COL5A1: variants seen among roughly 807,000 people sequenced by gnomAD.
The protein encoded by COL5A1 is collagen alpha-1(V) chain.
In COL5A1, 16 loss-of-function variants were observed where a neutral mutation model predicts 263.7. That is an observed-to-expected ratio of 0.06 (90% CI 0.04 to 0.09). The LOEUF (loss-of-function observed/expected upper bound fraction) is 0.09. COL5A1 is among the 10% of genes least tolerant of loss of function. COL5A1 has a pLI of 1.00. For synonymous variants in COL5A1, 1,012 were observed against 1,004.5 expected, an observed-to-expected ratio of 1.01 and a Z score of -0.14; for missense variants, 2,036 against 2,540.5, an observed-to-expected ratio of 0.80 and a Z score of 4.27.
intron 2 of COL5A1, among the ~76,000 whole-genome samples, chr9:134,694,933 C>G (rs567565961): frequency 3.3e-5 from 5 of 152,142 alleles, no homozygotes; most frequent in Non-Finnish European, 7.4e-5. Flanking sequence ...ACTGGGGGCC[C>G]GGGATGGTGT....
At chr9:134,832,493 G>C (rs1839677727) in intron 64 of COL5A1, among the ~76,000 whole-genome samples, 1 of 152,232 alleles carries the variant, frequency 6.6e-6, no homozygotes, top group African/African-American at 2.4e-5. Flanking sequence ...ATACTGCAGA[G>C]AATCCCTCCC....
intron 36 of COL5A1, among the ~76,000 whole-genome samples, chr9:134,797,557 A>G (rs1015527210): frequency 3.9e-5 from 6 of 152,084 alleles, no homozygotes; most frequent in Non-Finnish European, 8.8e-5. Flanking sequence ...ATCTCGGCTC[A>G]CTGCAAACTC....
intron 22 of COL5A1, 25 bp from the exon 23 acceptor site, chr9:134,766,975 G>A (rs1836693800): frequency 6.2e-7 from 1 of 1,611,990 alleles, no homozygotes; most frequent in South Asian, 1.1e-5. Context: ...GCCCCCTTCA[G>A]TGCCTTTGCT....
rs1035271513 is a variant in COL5A1, at chr9:134,691,174, C to T, written c.277+95C>T. ...GCTCAAGCCTGCGTGGTGGCAGAAGCGGGCTCAGCTTTCCAGGAAGCCCCT... is the reference window on the plus strand; with the variant it reads ...GCTCAAGCCTGCGTGGTGGCAGAAGTGGGCTCAGCTTTCCAGGAAGCCCCT... On this transcript the variant is annotated intron_variant, in intron 2 of 65. Coordinates refer to ENST00000371817, the MANE Select transcript of COL5A1 (RefSeq NM_000093.5). The T allele has an allele frequency of 1.7e-5, 26 of 1,508,904 alleles. No homozygotes were observed. The Admixed American group carries it at 1.7e-4, about 10-fold the overall frequency. 93.5% of individuals were successfully genotyped at this position (1,508,904 alleles called of 1,614,324 possible). A position where few individuals can be genotyped will look rare whatever the true frequency, so the allele number is the denominator to read the frequency against.
At chr9:134,749,650 T>C (rs1032232205) in intron 11 of COL5A1, among the ~76,000 whole-genome samples, 1 of 152,168 alleles carries the variant, frequency 6.6e-6, no homozygotes, top group African/African-American at 2.4e-5. Context: ...TGTTGCTGAT[T>C]CGGAAGACTG....
chr9:134,772,586 C>G (rs552061018), intron 25 of COL5A1, among the ~76,000 whole-genome samples: 1 of 152,314 alleles, frequency 6.6e-6, no homozygotes, highest in Non-Finnish European at 1.5e-5. Context: ...GATGGAGCAG[C>G]CGAGGTTCAG....
At chr9:134,759,300 C>A (rs1441333009) in intron 18 of COL5A1, among the ~76,000 whole-genome samples, 8 of 148,788 alleles carry the variant, frequency 5.4e-5, no homozygotes, top group African/African-American at 2.0e-4. Flanking sequence ...GCATACACAC[C>A]CACACACCCC....
In COL5A1 at chr9:134,822,339, T is replaced by C. The variant is rs1380464372; in HGVS notation, c.4608+189T>C. 2.0e-5 allele frequency among the ~76,000 whole-genome samples: 3 copies of C among 152,154 alleles called. No individual in the cohort carries two copies. The East Asian group carries it at 5.8e-4, about 29-fold the overall frequency. Reference sequence around the variant, plus strand: ...AGGAGACAGAAGAAAGGAAGTGGCGTTGCCCGGCCATGGTTTTTGGTGGGG... The same window carrying C: ...AGGAGACAGAAGAAAGGAAGTGGCGCTGCCCGGCCATGGTTTTTGGTGGGG... On this transcript the variant is annotated intron_variant, in intron 59 of 65. Transcript: ENST00000371817.
intron 63 of COL5A1, among the ~76,000 whole-genome samples, 169 bp from the exon 64 acceptor site, chr9:134,829,807 G>A (rs541915636): frequency 2.0e-5 from 3 of 152,120 alleles, no homozygotes; most frequent in African/African-American, 4.8e-5. Context: ...CACAAGGGCC[G>A]GGGCCCTCAG....
intron 63 of COL5A1, among the ~76,000 whole-genome samples, 171 bp downstream of exon 63, chr9:134,826,075 A>T (rs1303843729): frequency 2.6e-5 from 4 of 152,268 alleles, no homozygotes; most frequent in African/African-American, 9.6e-5. Context: ...TTGTTTTAAG[A>T]AATTTTTTAG....
In COL5A1 at chr9:134,834,849, G is replaced by GA. The variant is rs1839788141; in HGVS notation, c.5137-122_5137-121insA. ...TCGGCCGGGTCTGTGGGTACAGTGC[G>GA]TTTCCAGGTAGTTCCCCCGAGAAGA... On this transcript the variant is annotated intron_variant, in intron 64 of 65. Coordinates refer to ENST00000371817, the MANE Select transcript of COL5A1 (RefSeq NM_000093.5). 2.8e-5 allele frequency: 21 copies of GA among 742,950 alleles called. 1 individual carries two copies. In the South Asian group the frequency reaches 3.1e-4, roughly 11 times the overall value. 46.0% of individuals were successfully genotyped at this position (742,950 alleles called of 1,614,324 possible).
intron 65 of COL5A1, among the ~76,000 whole-genome samples, chr9:134,838,958 T>C (rs1257576494): frequency 6.6e-6 from 1 of 152,112 alleles, no homozygotes; most frequent in Non-Finnish European, 1.5e-5. Flanking sequence ...CTGACCCCAG[T>C]CCCTGACAAG....
chr9:134,768,919 A>C (rs1351745468), intron 25 of COL5A1, among the ~76,000 whole-genome samples: 1 of 152,070 alleles, frequency 6.6e-6, no homozygotes, highest in Admixed American at 6.5e-5. Flanking sequence ...GCCAAATTAG[A>C]TTCTGCCTGG....
intron 9 of COL5A1, among the ~76,000 whole-genome samples, chr9:134,733,933 G>A (rs879627719): frequency 3.3e-5 from 5 of 152,188 alleles, no homozygotes; most frequent in East Asian, 1.9e-4. Context: ...GTCCTTGCTC[G>A]GGGAGGAAGA....
At chr9:134,785,782 G>C (rs894442916) in intron 30 of COL5A1, among the ~76,000 whole-genome samples, 1 of 152,178 alleles carries the variant, frequency 6.6e-6, no homozygotes, top group African/African-American at 2.4e-5. Context: ...CCTCGGTGCA[G>C]GGACCATCGG....
chr9:134,826,852 GGGTGTGTGTGGCT>G (rs1425599539), intron 63 of COL5A1, among the ~76,000 whole-genome samples: 1 of 146,232 alleles, frequency 6.8e-6, no homozygotes, highest in East Asian at 1.9e-4. Context: ...TATGGTGTGT[GGGTGTGTGTGGCT>G]GGTGTATGTG....
rs1365809793 is a variant in COL5A1, at chr9:134,818,698, A to T, written c.4273A>T (p.Ile1425Phe). The change falls in exon 55 of 66, where the codon ATC (isoleucine) becomes TTC (phenylalanine). Residue 1425 changes from isoleucine (I) to phenylalanine (F), a missense_variant. Transcript: ENST00000371817. The surrounding 1 kb of genome is among the most constrained non-coding windows in gnomAD (Gnocchi z 6.0). ...LEGPPGKTGP[I>F]GPQGAPGKPG... ...AGGCCCTCCTGGGAAGACTGGCCCC[A>T]TCGGCCCCCAGGGGGCCCCTGGGAA... The T allele has an allele frequency of 6.2e-7, 1 of 1,609,328 alleles. No individual in the cohort carries two copies. Among genetic ancestry groups the T allele is most frequent in the African/African-American group, 1.3e-5 (1 of 74,768 alleles).
At position 134,700,360 on chromosome 9, in the gene COL5A1, C is replaced by G. The variant is rs2132570744; in HGVS notation, c.491+238C>G. On this transcript the variant is annotated intron_variant, in intron 3 of 65. Coordinates refer to ENST00000371817, the MANE Select transcript of COL5A1 (RefSeq NM_000093.5). This position sits in a 1 kb window ranked among gnomAD's most constrained non-coding sequence, Gnocchi z 4.0. Reference sequence around the variant, plus strand: ...TCTCCTCCCTGGCCCTCCATTATCCCTTTGTAAAGTGCACTAAAGCACATC... The same window carrying G: ...TCTCCTCCCTGGCCCTCCATTATCCGTTTGTAAAGTGCACTAAAGCACATC... Among the ~76,000 whole-genome samples, 1 of 152,312 alleles carries G rather than the reference C, an allele frequency of 6.6e-6. No individual in the cohort carries two copies. The highest frequency in any genetic ancestry group is 1.5e-5 in the Non-Finnish European group (1 of 68,028).
intron 64 of COL5A1, among the ~76,000 whole-genome samples, chr9:134,831,016 C>T (rs552836619): frequency 6.6e-6 from 1 of 152,316 alleles, no homozygotes; most frequent in East Asian, 1.9e-4. Flanking sequence ...TCTCCTTTCC[C>T]TCCCTTCTTG....
Sources: gnomAD v4.1 joint callset for allele counts (sites outside exome capture counted in the v4.1 genomes callset) on GRCh38, gnomAD v4.1.1 for gene constraint, Gnocchi (gnomAD v3.1) non-coding constraint, MANE v1.5 for transcripts, NCBI Gene and HGNC (gene_info 2026-07-23, HGNC 2026-07-21) for gene names.